ANO10: variants seen among roughly 807,000 people sequenced by gnomAD.
The protein encoded by ANO10 is anoctamin-10.
Under a neutral mutation model 74.7 loss-of-function variants are expected in ANO10, and 77 were observed. The observed-to-expected ratio is 1.03, with a 90% CI of 0.86 to 1.25. ANO10 has a LOEUF of 1.25. Among genes scored for constraint, ANO10 ranks in the 50% most tolerant of loss-of-function variants. The pLI, the probability that ANO10 is intolerant of heterozygous loss-of-function variation, is 0.00. For missense variants in ANO10, 721 were observed against 778.1 expected, an observed-to-expected ratio of 0.93 and a Z score of 0.87; for synonymous variants, 279 against 284.9, an observed-to-expected ratio of 0.98 and a Z score of 0.21.
chr3:43,478,140 C>T (rs750867846), intron 11 of ANO10, among the ~76,000 whole-genome samples: 9 of 152,296 alleles, frequency 5.9e-5, no homozygotes, highest in African/African-American at 9.6e-5. Context: ...AGAGAGGTTA[C>T]GTATCCTGGC....
At chr3:43,659,694 C>G (rs945723675) in intron 1 of ANO10, among the ~76,000 whole-genome samples, 15 of 152,208 alleles carry the variant, frequency 9.9e-5, no homozygotes, top group East Asian at 9.6e-4. Flanking sequence ...GACTTAAACG[C>G]CCCTGCCTGA....
At chr3:43,389,896 T>C (rs1200555085) in intron 12 of ANO10, among the ~76,000 whole-genome samples, 1 of 152,144 alleles carries the variant, frequency 6.6e-6, no homozygotes, top group East Asian at 1.9e-4. Flanking sequence ...AAGCACGTAC[T>C]AGACGGAAAT....
At chr3:43,665,373 G>T (rs1199970537) in intron 1 of ANO10, among the ~76,000 whole-genome samples, 1 of 152,070 alleles carries the variant, frequency 6.6e-6, no homozygotes, top group African/African-American at 2.4e-5. Context: ...AGGGCCTGTG[G>T]GGGGTGGGCG....
At chr3:43,496,584 C>G (rs2076922504) in intron 11 of ANO10, among the ~76,000 whole-genome samples, 1 of 152,062 alleles carries the variant, frequency 6.6e-6, no homozygotes, top group African/African-American at 2.4e-5. Flanking sequence ...CAGGGGCACA[C>G]CACAATACCC....
At chr3:43,608,009 A>G (rs2082642625) in intron 1 of ANO10, among the ~76,000 whole-genome samples, 1 of 152,186 alleles carries the variant, frequency 6.6e-6, no homozygotes, top group African/African-American at 2.4e-5. Context: ...AAGGAACTAC[A>G]AGGAACTAAA....
chr3:43,502,269 A>C (rs1415208511), intron 11 of ANO10, among the ~76,000 whole-genome samples: 4 of 152,152 alleles, frequency 2.6e-5, no homozygotes, highest in Non-Finnish European at 5.9e-5. Flanking sequence ...GTTCCCCCAA[A>C]CCTCATGTTG....
chr3:43,591,094 T>G (rs181826305), intron 4 of ANO10, among the ~76,000 whole-genome samples: 1 of 152,294 alleles, frequency 6.6e-6, no homozygotes, highest in East Asian at 1.9e-4. Context: ...TCCCCTGCCA[T>G]CATATGGTAG....
chr3:43,640,892 T>C (rs1355063337), intron 1 of ANO10, among the ~76,000 whole-genome samples: 1 of 152,166 alleles, frequency 6.6e-6, no homozygotes, highest in Non-Finnish European at 1.5e-5. Flanking sequence ...GAGAATTTAA[T>C]GTGTTTCAAG....
intron 11 of ANO10, among the ~76,000 whole-genome samples, chr3:43,459,060 T>C (rs552906203): frequency 6.6e-6 from 1 of 152,178 alleles, no homozygotes; most frequent in Non-Finnish European, 1.5e-5. Flanking sequence ...CATAAATATA[T>C]GAGAAGAGAA....
chr3:43,444,118 T>C (rs150140954), intron 11 of ANO10, among the ~76,000 whole-genome samples: 2 of 152,346 alleles, frequency 1.3e-5, no homozygotes, highest in East Asian at 3.9e-4. Flanking sequence ...TCTTAAAATA[T>C]AATCTCCATT....
chr3:43,495,778 G>A (rs1406917174), intron 11 of ANO10, among the ~76,000 whole-genome samples: 2 of 151,886 alleles, frequency 1.3e-5, no homozygotes, highest in Non-Finnish European at 2.9e-5. Context: ...TCGGCTCACT[G>A]CAACCTCTGC....
chr3:43,456,403 A>G (rs562141730), intron 11 of ANO10, among the ~76,000 whole-genome samples: 7 of 152,350 alleles, frequency 4.6e-5, no homozygotes, highest in Admixed American at 2.0e-4. Context: ...AAGCTCTTGC[A>G]CACATCCACA....
chr3:43,502,689 T>G (rs184136918), intron 11 of ANO10, among the ~76,000 whole-genome samples: 1 of 152,328 alleles, frequency 6.6e-6, no homozygotes, highest in East Asian at 1.9e-4. Context: ...GCATCACAAG[T>G]GTTCACCAAC....
chr3:43,524,811 T>C (rs1002314223), intron 11 of ANO10, among the ~76,000 whole-genome samples: 1 of 152,140 alleles, frequency 6.6e-6, no homozygotes, highest in Admixed American at 6.6e-5. Flanking sequence ...TCACTCATGA[T>C]ATTTCCTCTC....
Position 43,485,065 on chromosome 3 carries a change from G to C in ANO10, c.1798-52338C>G, listed in dbSNP as rs955983226. The C allele has an allele frequency of 2.3e-5, 30 of 1,287,274 alleles. No individual in the cohort carries two copies. In the African/African-American group the frequency reaches 3.5e-4, roughly 15 times the overall value. The allele number at this position is 1,287,274 out of a possible 1,614,324, so 79.7% of individuals were successfully genotyped here. A position where few individuals can be genotyped will look rare whatever the true frequency, so the allele number is the denominator to read the frequency against. The stretch of plus-strand genomic sequence containing the variant: ...GCAGCAGGAACTTGATCTTGGAGTC[G>C]TGGAACTGCTTGACAGCCGGCCGGC... On this transcript the variant is annotated intron_variant, in intron 11 of 12. Coordinates refer to ENST00000292246, the MANE Select transcript of ANO10 (RefSeq NM_018075.5).
intron 12 of ANO10, among the ~76,000 whole-genome samples, chr3:43,401,611 A>C (rs567288890): frequency 3.2e-4 from 48 of 152,360 alleles, no homozygotes; most frequent in African/African-American, 1.1e-3. Flanking sequence ...GAAATATCCC[A>C]AAGTATTTTC....
intron 12 of ANO10, among the ~76,000 whole-genome samples, chr3:43,374,423 C>A (rs980738635): frequency 9.2e-5 from 14 of 152,296 alleles, no homozygotes; most frequent in African/African-American, 3.4e-4. Flanking sequence ...AAAGAAAAAA[C>A]AGAGGCACAT....
intron 1 of ANO10, among the ~76,000 whole-genome samples, chr3:43,665,312 G>C (rs1012062621): frequency 3.9e-5 from 6 of 152,088 alleles, no homozygotes; most frequent in African/African-American, 1.2e-4. Flanking sequence ...CTCGTAAGGG[G>C]GAGTTGAACA....
intron 11 of ANO10, among the ~76,000 whole-genome samples, chr3:43,463,368 T>C (rs1343480549): frequency 6.6e-6 from 1 of 152,042 alleles, no homozygotes; most frequent in Non-Finnish European, 1.5e-5. Context: ...AGAAAATAGC[T>C]TGTGGATTGA....
Sources: gnomAD v4.1 joint callset for allele counts (sites outside exome capture counted in the v4.1 genomes callset) on GRCh38, gnomAD v4.1.1 for gene constraint, MANE v1.5 for transcripts, NCBI Gene and HGNC (gene_info 2026-07-23, HGNC 2026-07-21) for gene names.